CCDC158: variants seen among roughly 807,000 people sequenced by gnomAD.
CCDC158 encodes coiled-coil domain containing 158.
In CCDC158, 116 loss-of-function variants were observed where a neutral mutation model predicts 138.6. That is an observed-to-expected ratio of 0.84 (90% CI 0.72 to 0.98). The LOEUF is 0.98. Among genes scored for constraint, CCDC158 ranks in the 50% least tolerant of loss-of-function variants. CCDC158 has a pLI of 0.00. For missense variants in CCDC158, 1,265 were observed against 1,306.1 expected, an observed-to-expected ratio of 0.97 and a Z score of 0.48; for synonymous variants, 436 against 442.4, an observed-to-expected ratio of 0.99 and a Z score of 0.18.
intron 9 of CCDC158, among the ~76,000 whole-genome samples, chr4:76,375,004 T>C (rs1036888193): frequency 2.0e-5 from 3 of 152,208 alleles, no homozygotes; most frequent in East Asian, 1.9e-4. Context: ...GGTCTGCTTT[T>C]ACCTTTCACT....
intron 24 of CCDC158, among the ~76,000 whole-genome samples, chr4:76,317,818 C>A (rs142194455): frequency 6.6e-6 from 1 of 152,096 alleles, no homozygotes; most frequent in South Asian, 2.1e-4. Context: ...TCTCTCAGAC[C>A]ACAGTGGAAT....
chr4:76,323,131 C>T (rs918345474), intron 24 of CCDC158, among the ~76,000 whole-genome samples, 171 bp downstream of exon 24: 2 of 152,168 alleles, frequency 1.3e-5, no homozygotes, highest in African/African-American at 4.8e-5. Context: ...TGCCCATGGT[C>T]ACACAATTAA....
chr4:76,345,211 T>C (rs568512098), intron 18 of CCDC158: 26 of 947,092 alleles, frequency 2.7e-5, no homozygotes, highest in African/African-American at 2.4e-4. Flanking sequence ...CTTAGGAAAG[T>C]AGAGGGTCAA....
chr4:76,409,013 C>A (rs775764498), intron 2 of CCDC158, among the ~76,000 whole-genome samples: 21 of 152,260 alleles, frequency 1.4e-4, no homozygotes, highest in African/African-American at 1.9e-4. Flanking sequence ...ATATCCTTTG[C>A]CCACTTTTTG....
At chr4:76,420,728 G>A (rs1730051379) in intron 1 of CCDC158, among the ~76,000 whole-genome samples, 1 of 152,144 alleles carries the variant, frequency 6.6e-6, no homozygotes, top group Non-Finnish European at 1.5e-5. Context: ...GTTTGCGCAG[G>A]CCCCTGTGTT....
chr4:76,411,623 T>C (rs577184867), intron 2 of CCDC158, among the ~76,000 whole-genome samples: 2 of 152,278 alleles, frequency 1.3e-5, no homozygotes, highest in South Asian at 4.1e-4. Flanking sequence ...CACCCATACA[T>C]AATACCATCT....
intron 24 of CCDC158, among the ~76,000 whole-genome samples, chr4:76,320,972 A>G (rs1719938131): frequency 6.6e-6 from 1 of 152,196 alleles, no homozygotes; most frequent in Admixed American, 6.5e-5. Context: ...GAGTAAACAG[A>G]CAACCCACAG....
rs749026722 is a variant in CCDC158, at chr4:76,369,635, G to C, written c.1150-12C>G. ...TTGTGTAGATCAGCCTAAAAAAAGA[G>C]AGGAATGCTTTTTTCCTCCCTGCTA... On this transcript the variant is annotated splice_polypyrimidine_tract_variant and intron_variant, in intron 10 of 24. Transcript: ENST00000682701. 8 of 1,600,338 alleles carry C rather than the reference G, an allele frequency of 5.0e-6. No individual in the cohort carries two copies. In the South Asian group the frequency reaches 8.8e-5, roughly 18 times the overall value.
intron 1 of CCDC158, among the ~76,000 whole-genome samples, chr4:76,418,663 C>G (rs1191777048): frequency 6.6e-6 from 1 of 152,092 alleles, no homozygotes; most frequent in Non-Finnish European, 1.5e-5. Flanking sequence ...TTTATAAAAC[C>G]ATCAGATCTT....
intron 2 of CCDC158, among the ~76,000 whole-genome samples, chr4:76,409,477 A>G (rs989125375): frequency 6.6e-6 from 1 of 152,226 alleles, no homozygotes; most frequent in Middle Eastern, 3.2e-3. Context: ...TATTATGAAC[A>G]GTTCTGCCTG....
chr4:76,371,583 T>A, intron 9 of CCDC158, 47 bp from the exon 10 acceptor site: 1 of 1,585,656 alleles, frequency 6.3e-7, no homozygotes, highest in Non-Finnish European at 8.6e-7. Context: ...TGACAGTGGG[T>A]AATATAAAAT....
At position 76,369,471 on chromosome 4, in the gene CCDC158, C is replaced by A; in HGVS notation, c.1302G>T (p.Leu434=). Residue 434 remains leucine (L), a synonymous_variant, in exon 11 of 25, where the codon CTG becomes CTT. Transcript: ENST00000682701. ...RNMEVQRLEA[L]LKALKSECQG... is the part of the protein sequence containing the mutation. Reference sequence around the variant, plus strand: ...GACACTCGCTCTTCAAGGCCTTGAGCAGGGCTTCCAGGCGCTGCACCTCCA... The same window carrying A: ...GACACTCGCTCTTCAAGGCCTTGAGAAGGGCTTCCAGGCGCTGCACCTCCA... 1 of 1,614,180 alleles carries A rather than the reference C, an allele frequency of 6.2e-7. No homozygotes were observed. The highest frequency in any genetic ancestry group is 8.5e-7 in the Non-Finnish European group (1 of 1,180,014).
At chr4:76,407,142 A>G (rs1028134116) in intron 2 of CCDC158, 2 of 152,116 alleles carry the variant, frequency 1.3e-5, no homozygotes, top group Non-Finnish European at 2.9e-5. Context: ...CATGATTGTA[A>G]GCATAAAGTC....
chr4:76,357,595 A>G (rs771016836), intron 13 of CCDC158, 69 bp from the exon 14 acceptor site: 8 of 985,334 alleles, frequency 8.1e-6, no homozygotes, highest in East Asian at 6.1e-5. Flanking sequence ...AGTATATTTT[A>G]TTTGTAATTA....
chr4:76,349,857 T>G (rs1469610211), intron 18 of CCDC158, among the ~76,000 whole-genome samples: 1 of 152,200 alleles, frequency 6.6e-6, no homozygotes, highest in African/African-American at 2.4e-5. Context: ...AGCTAATCTT[T>G]CTTGGTGACC....
At chr4:76,396,687 T>C (rs1209757064) in intron 3 of CCDC158, among the ~76,000 whole-genome samples, 2 of 152,140 alleles carry the variant, frequency 1.3e-5, no homozygotes, top group East Asian at 3.9e-4. Context: ...ATTTTTTGTA[T>C]TTTTAGTAGA....
intron 18 of CCDC158, among the ~76,000 whole-genome samples, chr4:76,340,874 A>G (rs371046699): frequency 1.8e-4 from 28 of 152,342 alleles, no homozygotes; most frequent in African/African-American, 6.3e-4. Flanking sequence ...GTCTTTCATG[A>G]AACTGGTCAC....
At chr4:76,349,309 T>G (rs1722846450) in intron 18 of CCDC158, among the ~76,000 whole-genome samples, 1 of 152,232 alleles carries the variant, frequency 6.6e-6, no homozygotes, top group African/African-American at 2.4e-5. Context: ...ATTAATTGTA[T>G]AAAGCATGTC....
chr4:76,345,459 A>C (rs939960654), intron 18 of CCDC158: 1 of 936,016 alleles, frequency 1.1e-6, no homozygotes, highest in Non-Finnish European at 1.8e-6. Flanking sequence ...AGAAGAACTG[A>C]TAAATTTCAA....
Sources: allele counts gnomAD v4.1 joint callset (sites outside exome capture counted in the v4.1 genomes callset), GRCh38; gene constraint gnomAD v4.1.1; transcripts MANE v1.5; gene names NCBI Gene and HGNC (gene_info 2026-07-23, HGNC 2026-07-21).